The following CSTF2 variants were observed in gnomAD, a reference collection of about 807,000 sequenced individuals.
The protein encoded by CSTF2 is CF-1 64 kDa subunit.
In CSTF2, 8 loss-of-function variants were observed where a neutral mutation model predicts 45.4. That is an observed-to-expected ratio of 0.18 (90% CI 0.10 to 0.32). The LOEUF (loss-of-function observed/expected upper bound fraction) is 0.32. CSTF2 is among the 10% of genes least tolerant of loss of function. CSTF2 has a pLI of 1.00. For missense variants in CSTF2, 253 were observed against 477.1 expected (o/e 0.53, Z 4.38); for synonymous variants, 155 against 158.9 (o/e 0.98, Z 0.18).
intron 11 of CSTF2, among the ~76,000 whole-genome samples, chrX:100,834,062 C>T (rs1229990080): frequency 3.6e-5 from 4 of 111,591 alleles, no homozygotes; most frequent in Non-Finnish European, 3.8e-5. Flanking sequence ...GGTGTGGAAC[C>T]GAAGTCTTGT....
intron 1 of CSTF2, 34 bp from the exon 2 acceptor site, chrX:100,821,493 T>C (rs748976289): frequency 2.0e-5 from 20 of 1,017,366 alleles, no homozygotes; most frequent in African/African-American, 3.7e-5. Flanking sequence ...TGTTATAAAC[T>C]CAGAATTTTA....
rs1484639727 is a variant in CSTF2 at position 100,841,307 on chromosome X, G to A, written c.*597G>A. Among the ~76,000 whole-genome samples the A allele has an allele frequency of 8.9e-6, 1 of 112,367 alleles. No homozygotes were observed. The highest frequency in any genetic ancestry group is 3.2e-5 in the African/African-American group (1 of 30,881). ...TTTAGAAAAATCCAAATATCAAAAT[G>A]CATTTGTTTCAATAGCAGGTCTGAA... On this transcript the variant is annotated 3_prime_UTR_variant, in exon 14 of 14. Coordinates refer to ENST00000372972, the MANE Select transcript of CSTF2 (RefSeq NM_001325.3).
At position 100,828,113 on chromosome X, in the gene CSTF2, A is replaced by G. The variant is rs759614429; in HGVS notation, c.889+11A>G. 1 of 1,183,604 alleles carries G rather than the reference A, an allele frequency of 8.4e-7. No homozygotes were observed. The stretch of plus-strand genomic sequence containing the variant: ...TGGAACGGGGGCAAGGTAAATAAAT[A>G]TTAATGTCTGACTAATGTTAATTGG... On this transcript the variant is annotated intron_variant, in intron 8 of 13. Coordinates refer to ENST00000372972, the MANE Select transcript of CSTF2 (RefSeq NM_001325.3).
Position 100,826,448 on chromosome X carries a change from G to A in CSTF2, c.703-186G>A, listed in dbSNP as rs143313690. Among the ~76,000 whole-genome samples the A allele has an allele frequency of 5.9e-3, 656 of 110,934 alleles. 3 individuals are homozygous for A. The highest frequency in any genetic ancestry group is 0.019 in the African/African-American group (583 of 30,480). ...TGTTCCATATAACCAGGCTCATGAC[G>A]TATATTGCTTCTGTGGAGTTTAAAG... On this transcript the variant is annotated intron_variant, in intron 6 of 13. Coordinates refer to ENST00000372972, the MANE Select transcript of CSTF2 (RefSeq NM_001325.3).
chrX:100,827,182 A>G (rs760393555), intron 7 of CSTF2, among the ~76,000 whole-genome samples: 2 of 112,754 alleles, frequency 1.8e-5, no homozygotes, highest in South Asian at 7.3e-4. Flanking sequence ...GCTCATGAAG[A>G]AAACAGACAA....
At position 100,838,270 on chromosome X, in the gene CSTF2, C is replaced by T. The variant is rs1462185212; in HGVS notation, c.1643C>T (p.Thr548Ile). 1 of 1,200,965 alleles carries T rather than the reference C, an allele frequency of 8.3e-7. No individual in the cohort carries two copies. Among genetic ancestry groups the T allele is most frequent in the African/African-American group, 1.8e-5 (1 of 56,520 alleles). The change falls in exon 13 of 14, where the codon ACT becomes ATT. Residue 548 changes from threonine (T) to isoleucine (I), a missense_variant. Physicochemically the swap from Thr to Ile is moderately conservative, Grantham distance 89 (BLOSUM62 -1). Coordinates refer to ENST00000372972, the MANE Select transcript of CSTF2 (RefSeq NM_001325.3). ...TTGATTATGCAGGTTCTACAACTGA[C>T]TGCAGACCAGATTGCCATGTTGCCT... ...AALIMQVLQL[T>I]ADQIAMLPPE...
At chrX:100,824,579 G>A (rs757542548) in intron 6 of CSTF2, among the ~76,000 whole-genome samples, 4 of 111,865 alleles carry the variant, frequency 3.6e-5, no homozygotes, top group Non-Finnish European at 7.5e-5. Flanking sequence ...AATTGTATGA[G>A]GTTGGCACTC....
At chrX:100,838,210 T>G (rs771768941) in intron 12 of CSTF2, 29 bp from the exon 13 acceptor site, 4 of 1,122,656 alleles carry the variant, frequency 3.6e-6, no homozygotes, top group Non-Finnish European at 4.7e-6. Flanking sequence ...TCATTAAAAC[T>G]CACTACCTTT....
chrX:100,838,590 G>A lies in CSTF2; in HGVS notation c.*3+226G>A, dbSNP rs140575080. Among the ~76,000 whole-genome samples the A allele has an allele frequency of 5.0e-3, 555 of 111,735 alleles. 4 individuals carry two copies. The highest frequency in any genetic ancestry group is 0.017 in the African/African-American group (528 of 30,752). ...AATCTTTCCTAATGACAAAGGTAAT[G>A]TATGATCAGTTTAACAAAAGTAATC... is the stretch of plus-strand genomic sequence containing the variant. On this transcript the variant is annotated intron_variant, in intron 13 of 13. Coordinates refer to ENST00000372972, the MANE Select transcript of CSTF2 (RefSeq NM_001325.3).
At chrX:100,838,014 C>A (rs1347535149) in intron 12 of CSTF2, among the ~76,000 whole-genome samples, 1 of 111,277 alleles carries the variant, frequency 9.0e-6, no homozygotes, top group Non-Finnish European at 1.9e-5. Flanking sequence ...TATACTTGTT[C>A]TTTTCATTGT....
chrX:100,837,882 C>A (rs1408004944), intron 12 of CSTF2, among the ~76,000 whole-genome samples: 1 of 111,700 alleles, frequency 9.0e-6, no homozygotes, highest in East Asian at 2.8e-4. Context: ...AAAAGAGAGA[C>A]TTTCAAAACA....
At chrX:100,821,722 T>C in intron 2 of CSTF2, 117 bp downstream of exon 2, 1 of 500,007 alleles carries the variant, frequency 2.0e-6, no homozygotes, top group Non-Finnish European at 3.5e-6. Flanking sequence ...TTTGTTCTTG[T>C]AACAGCTTTA....
chrX:100,822,465 G>C (rs760062437), intron 3 of CSTF2, 45 bp downstream of exon 3: 1 of 1,144,348 alleles, frequency 8.7e-7, no homozygotes, highest in African/African-American at 1.8e-5. Context: ...TAGTAAAGAT[G>C]TAACAATGAA....
rs369364562 is a variant in CSTF2 at position 100,824,208 on chromosome X, A to G, written c.653A>G (p.Asn218Ser). The stretch of plus-strand genomic sequence containing the variant: ...GGTGCTGGGCCTGGCTCAGGATCCA[A>G]TGTGTCAATGAACCAGCAGAATCCT... ...VHGAGPGSGS[N>S]VSMNQQNPQA... Residue 218 changes from asparagine to serine, a missense_variant, in exon 6 of 14, where the codon AAT (asparagine) becomes AGT (serine). Asn to Ser is a conservative substitution (Grantham distance 46, BLOSUM62 1). This residue lies in a region of CSTF2 where 200 missense variants were observed against 294.0 expected (regional missense o/e 0.68). Coordinates refer to ENST00000372972, the MANE Select transcript of CSTF2 (RefSeq NM_001325.3). 12 of 1,210,231 alleles carry G rather than the reference A, an allele frequency of 9.9e-6. No homozygotes were observed. Among genetic ancestry groups the G allele is most frequent in the Middle Eastern group, 2.3e-4 (1 of 4,375 alleles).
intron 4 of CSTF2, 143 bp from the exon 5 acceptor site, chrX:100,823,743 C>T: frequency 2.7e-6 from 2 of 739,467 alleles, no homozygotes; most frequent in Non-Finnish European, 3.8e-6. Flanking sequence ...CTCTTGCCTG[C>T]CATGACCAAG....
At chrX:100,830,559 C>A (rs2084969166) in intron 8 of CSTF2, among the ~76,000 whole-genome samples, 1 of 111,681 alleles carries the variant, frequency 9.0e-6, no homozygotes, top group African/African-American at 3.3e-5. Context: ...GTTATTCCCA[C>A]CTAGATCAAA....
rs139392902 is a variant in CSTF2 at position 100,833,447 on chromosome X, C to T, written c.1475C>T (p.Ala492Val). 2.8e-5 allele frequency: 34 copies of T among 1,205,316 alleles called. No homozygotes were observed. The highest frequency in any genetic ancestry group is 3.5e-5 in the Non-Finnish European group (31 of 892,537). Residue 492 changes from alanine to valine, a missense_variant, in exon 11 of 14, where the codon GCG becomes GTG. Physicochemically the swap from Ala to Val is moderately conservative, Grantham distance 64 (BLOSUM62 0). Transcript: ENST00000372972. ...MQGPSPINMG[A>V]VVPQGSRQVP... ...GGTCCCAGTCCAATTAACATGGGGG[C>T]GGTTGTCCCCCAGGGATCCAGACAG... is the stretch of plus-strand genomic sequence containing the variant.
intron 6 of CSTF2, 82 bp downstream of exon 6, chrX:100,824,339 T>C: frequency 3.0e-6 from 3 of 993,810 alleles, no homozygotes; most frequent in East Asian, 3.4e-5. Context: ...GAAAGAAGAA[T>C]GGTCAGGAAC....
chrX:100,834,913 T>C (rs2084998663), intron 11 of CSTF2, among the ~76,000 whole-genome samples: 1 of 112,082 alleles, frequency 8.9e-6, no homozygotes, highest in Non-Finnish European at 1.9e-5. Context: ...ATTTTGCTCC[T>C]TTCTCTCTGC....
Sources: allele counts gnomAD v4.1 joint callset (sites outside exome capture counted in the v4.1 genomes callset), GRCh38; gene constraint gnomAD v4.1.1; regional missense constraint gnomAD v4.1.1; transcripts MANE v1.5; gene names NCBI Gene and HGNC (gene_info 2026-07-23, HGNC 2026-07-21).